PRKG1: variants seen among roughly 807,000 people sequenced by gnomAD.
PRKG1 encodes cGMP-dependent protein kinase 1.
Under a neutral mutation model 88.1 loss-of-function variants are expected in PRKG1, and 35 were observed. The ratio of observed to expected loss-of-function variants is 0.40; its 90% CI spans 0.30 to 0.53. The LOEUF (loss-of-function observed/expected upper bound fraction) is 0.53, where lower values mean the gene tolerates loss of function less well. Among genes scored for constraint, PRKG1 ranks in the 20% least tolerant of loss-of-function variants. The pLI is 0.59. For synonymous variants in PRKG1, 303 were observed against 292.5 expected, an observed-to-expected ratio of 1.04 and a Z score of -0.37; for missense variants, 540 against 839.8, an observed-to-expected ratio of 0.64 and a Z score of 4.41.
In PRKG1 at chr10:51,294,447, C is replaced by T. The variant is rs1840665210; in HGVS notation, c.478+141117C>T. On this transcript the variant is annotated intron_variant, in intron 2 of 17. Coordinates refer to ENST00000373980, the MANE Select transcript of PRKG1 (RefSeq NM_006258.4). ...CTTCTGTGGTTGGACATACTGTTTT[C>T]CCAACATAATTTATTTAGGAGACCA... Among the ~76,000 whole-genome samples the T allele has an allele frequency of 3.3e-5, 5 of 151,660 alleles. No individual in the cohort carries two copies. The Admixed American group carries it at 3.3e-4, about 10-fold the overall frequency.
At chr10:51,105,754 C>G (rs767620662) in intron 1 of PRKG1, among the ~76,000 whole-genome samples, 2 of 152,100 alleles carry the variant, frequency 1.3e-5, no homozygotes, top group Non-Finnish European at 2.9e-5. Context: ...CATATAATTA[C>G]TATAACAATC....
chr10:51,421,473 C>T (rs1452777370), intron 2 of PRKG1, among the ~76,000 whole-genome samples: 1 of 152,176 alleles, frequency 6.6e-6, no homozygotes, highest in Non-Finnish European at 1.5e-5. Flanking sequence ...GGCACTGTGC[C>T]TGGCCCCGAT....
At chr10:51,651,305 G>A (rs529623698) in intron 3 of PRKG1, among the ~76,000 whole-genome samples, 1 of 152,082 alleles carries the variant, frequency 6.6e-6, no homozygotes, top group Non-Finnish European at 1.5e-5. Flanking sequence ...TTACTCCCCA[G>A]TCTAATCAAA....
At chr10:52,056,613 T>C (rs1463027089) in intron 6 of PRKG1, among the ~76,000 whole-genome samples, 1 of 152,166 alleles carries the variant, frequency 6.6e-6, no homozygotes, top group Non-Finnish European at 1.5e-5. Context: ...GGGAGGGAAG[T>C]AGTACTAATA....
At position 51,901,461 on chromosome 10, in the gene PRKG1, G is replaced by A. The variant is rs138848442; in HGVS notation, c.699-6046G>A. 9.2e-5 allele frequency among the ~76,000 whole-genome samples: 14 copies of A among 152,272 alleles called. No homozygotes were observed. In the East Asian group the frequency reaches 2.7e-3, roughly 29 times the overall value. On this transcript the variant is annotated intron_variant, in intron 4 of 17. Coordinates refer to ENST00000373980, the MANE Select transcript of PRKG1 (RefSeq NM_006258.4). ...GGTACCATACCGTTTGAAAGATGCAGTGCAATAATTTCTTTTACTGACTTT... is the reference window on the plus strand; with the variant it reads ...GGTACCATACCGTTTGAAAGATGCAATGCAATAATTTCTTTTACTGACTTT...
intron 2 of PRKG1, among the ~76,000 whole-genome samples, chr10:51,225,059 A>T (rs1838654314): frequency 6.6e-6 from 1 of 152,234 alleles, no homozygotes; most frequent in Non-Finnish European, 1.5e-5. Context: ...GTTTTAGTCC[A>T]TCTGGGCTGT....
intron 6 of PRKG1, among the ~76,000 whole-genome samples, chr10:52,061,937 T>C (rs183327894): frequency 3.0e-3 from 460 of 152,054 alleles, no homozygotes; most frequent in African/African-American, 0.011. Flanking sequence ...TGGAGGCATT[T>C]AGAAGGATGT....
intron 5 of PRKG1, among the ~76,000 whole-genome samples, chr10:51,925,047 G>A (rs899910748): frequency 6.6e-6 from 1 of 150,618 alleles, no homozygotes; most frequent in African/African-American, 2.4e-5. Flanking sequence ...ACATGGTTTT[G>A]GTTCTAAGGC....
intron 3 of PRKG1, among the ~76,000 whole-genome samples, chr10:51,637,504 A>T (rs561516791): frequency 1.3e-5 from 2 of 152,236 alleles, no homozygotes; most frequent in Non-Finnish European, 2.9e-5. Flanking sequence ...AATAACAAAG[A>T]TGTAGAATCA....
At chr10:51,397,125 ATT>A (rs35688462) in intron 2 of PRKG1, among the ~76,000 whole-genome samples, 230 of 125,994 alleles carry the variant, frequency 1.8e-3, no homozygotes, top group African/African-American at 2.3e-3. Context: ...ATTACTGAGT[ATT>A]TTTTTTTTTT....
Position 51,199,521 on chromosome 10 carries a change from C to A in PRKG1, c.478+46191C>A, listed in dbSNP as rs554596249. Among the ~76,000 whole-genome samples, 6 of 152,274 alleles carry A rather than the reference C, an allele frequency of 3.9e-5. No homozygotes were observed. In the East Asian group the frequency reaches 1.2e-3, roughly 29 times the overall value. On this transcript the variant is annotated intron_variant, in intron 2 of 17. Coordinates refer to ENST00000373980, the MANE Select transcript of PRKG1 (RefSeq NM_006258.4). ...ATTTCTTCTCTCTGCCTCTGCAGAT[C>A]TATTTTCTACCATTATCGGCTGTGT...
intron 2 of PRKG1, among the ~76,000 whole-genome samples, chr10:51,231,757 T>C (rs1838852062): frequency 6.6e-6 from 1 of 152,154 alleles, no homozygotes; most frequent in Non-Finnish European, 1.5e-5. Flanking sequence ...TGACGTTTTC[T>C]GGAGAATTGA....
intron 3 of PRKG1, among the ~76,000 whole-genome samples, chr10:51,505,262 C>T (rs1841161785): frequency 6.6e-6 from 1 of 151,994 alleles, no homozygotes; most frequent in Non-Finnish European, 1.5e-5. Context: ...TGTTTATATG[C>T]TGGATTATGT....
chr10:51,582,673 A>T (rs918675590), intron 3 of PRKG1, among the ~76,000 whole-genome samples: 2 of 152,114 alleles, frequency 1.3e-5, no homozygotes, highest in Admixed American at 1.3e-4. Flanking sequence ...CATGATGTAT[A>T]TGTACCACAT....
chr10:52,039,895 T>G (rs1845713244), intron 5 of PRKG1, among the ~76,000 whole-genome samples: 1 of 152,180 alleles, frequency 6.6e-6, no homozygotes, highest in Admixed American at 6.5e-5. Context: ...TATGGCATAC[T>G]GCAGAATAAA....
Position 51,216,553 on chromosome 10 carries a change from G to A in PRKG1, c.478+63223G>A, listed in dbSNP as rs1257741374. 2.6e-5 allele frequency among the ~76,000 whole-genome samples: 4 copies of A among 152,264 alleles called. No individual in the cohort carries two copies. The East Asian group carries it at 7.7e-4, about 29-fold the overall frequency. ...TAACCGTTTCAGGACATTGGTGTGA[G>A]GATTGTGTGAATTAACATATGCAAA... On this transcript the variant is annotated intron_variant, in intron 2 of 17. Coordinates refer to ENST00000373980, the MANE Select transcript of PRKG1 (RefSeq NM_006258.4).
intron 2 of PRKG1, among the ~76,000 whole-genome samples, chr10:51,220,553 C>T (rs148588106): frequency 6.6e-6 from 1 of 151,758 alleles, no homozygotes; most frequent in Non-Finnish European, 1.5e-5. Context: ...TATAGGACAC[C>T]AGTATTAGTG....
chr10:51,074,753 C>A lies in PRKG1; in HGVS notation c.163C>A (p.Pro55Thr). ...GGACAAGTACCGCTCGGTGATCCGA[C>A]CAGCCACCCAGCAGGCGCAGAAGCA... Reference protein sequence around the residue: ...ELDKYRSVIRPATQQAQKQSA... With the variant: ...ELDKYRSVIRTATQQAQKQSA... The change falls in exon 1 of 18, where the codon CCA becomes ACA. Residue 55 changes from proline (P) to threonine (T), a missense_variant. This residue lies in a region of PRKG1 where 400 missense variants were observed against 562.7 expected (regional missense o/e 0.71). Coordinates refer to ENST00000373980, the MANE Select transcript of PRKG1 (RefSeq NM_006258.4). 3 of 1,614,046 alleles carry A rather than the reference C, an allele frequency of 1.9e-6. No individual in the cohort carries two copies. Among genetic ancestry groups the A allele is most frequent in the Non-Finnish European group, 2.5e-6 (3 of 1,179,966 alleles).
At chr10:51,232,015 G>A (rs534484698) in intron 2 of PRKG1, among the ~76,000 whole-genome samples, 9 of 152,198 alleles carry the variant, frequency 5.9e-5, no homozygotes, top group Admixed American at 2.0e-4. Context: ...ATTGTCCTAC[G>A]TGGTTGCACA....
Sources: allele counts gnomAD v4.1 joint callset (sites outside exome capture counted in the v4.1 genomes callset), GRCh38; gene constraint gnomAD v4.1.1; regional missense constraint gnomAD v4.1.1; transcripts MANE v1.5; gene names NCBI Gene and HGNC (gene_info 2026-07-23, HGNC 2026-07-21).